Variants in KDM4C observed in about 807,000 individuals in gnomAD.
KDM4C encodes lysine demethylase 4C.
KDM4C carries 81 observed loss-of-function variants against 129.3 expected under a neutral mutation model. The observed-to-expected ratio is 0.63, with a 90% confidence interval of 0.52 to 0.75. The LOEUF (loss-of-function observed/expected upper bound fraction) is 0.75. Ranked by LOEUF, KDM4C falls within the 30% of genes least tolerant of loss-of-function variation. KDM4C has a pLI of 0.00. For missense variants in KDM4C, 1,457 were observed against 1,304.0 expected (o/e 1.12, Z -1.81); for synonymous variants, 573 against 456.1 (o/e 1.26, Z -3.26).
chr9:6,733,938 T>G (rs997882736), intron 1 of KDM4C, among the ~76,000 whole-genome samples: 1 of 152,196 alleles, frequency 6.6e-6, no homozygotes, highest in African/African-American at 2.4e-5. Flanking sequence ...GAGGTCACGC[T>G]CACATCTTGG....
At chr9:6,939,436 A>G (rs183984096) in intron 8 of KDM4C, among the ~76,000 whole-genome samples, 3 of 152,254 alleles carry the variant, frequency 2.0e-5, no homozygotes, top group African/African-American at 7.2e-5. Context: ...TTCATTATAT[A>G]TTACAGTGTA....
At chr9:7,041,025 GT>G (rs570741504) in intron 15 of KDM4C, among the ~76,000 whole-genome samples, 145 of 145,122 alleles carry the variant, frequency 1.0e-3, no homozygotes, top group African/African-American at 2.1e-3. Flanking sequence ...AAACTGAGTA[GT>G]TTTTTTTTTT....
At chr9:6,857,748 A>C (rs918330755) in intron 5 of KDM4C, among the ~76,000 whole-genome samples, 19 of 149,990 alleles carry the variant, frequency 1.3e-4, no homozygotes, top group African/African-American at 4.6e-4. Context: ...CAGAGTAGCC[A>C]GCTGTACTTT....
intron 18 of KDM4C, among the ~76,000 whole-genome samples, chr9:7,109,971 C>G (rs561688598): frequency 2.0e-5 from 3 of 152,152 alleles, no homozygotes; most frequent in Admixed American, 1.3e-4. Flanking sequence ...CTCATTCTCT[C>G]TCCTGCTGTC....
At chr9:6,814,858 C>T (rs1022124467) in intron 4 of KDM4C, 113 bp downstream of exon 4, 7 of 528,792 alleles carry the variant, frequency 1.3e-5, no homozygotes, top group Non-Finnish European at 1.3e-5. Context: ...ATCCATAATT[C>T]CTCAAAGGAC....
At chr9:7,105,117 A>T (rs1418194950) in intron 18 of KDM4C, among the ~76,000 whole-genome samples, 1 of 152,216 alleles carries the variant, frequency 6.6e-6, no homozygotes, top group Non-Finnish European at 1.5e-5. Context: ...ATCCAGTAGA[A>T]AATACATTTT....
chr9:7,027,288 A>G (rs1229613418), intron 15 of KDM4C, among the ~76,000 whole-genome samples: 1 of 152,216 alleles, frequency 6.6e-6, no homozygotes, highest in Non-Finnish European at 1.5e-5. Flanking sequence ...CTGTATCTGC[A>G]TTAGCAGACA....
chr9:6,984,821 C>T (rs1817404917), intron 10 of KDM4C, among the ~76,000 whole-genome samples: 1 of 151,934 alleles, frequency 6.6e-6, no homozygotes, highest in Non-Finnish European at 1.5e-5. Flanking sequence ...TTAAGAACAA[C>T]AATAATGAAA....
chr9:7,128,012 T>G (rs1309385240), intron 18 of KDM4C, 54 bp from the exon 19 acceptor site: 3 of 1,314,292 alleles, frequency 2.3e-6, no homozygotes, highest in Non-Finnish European at 3.0e-6. Flanking sequence ...TTTACGTCCT[T>G]TCTTTTCCTG....
At chr9:6,831,398 C>G (rs1222842139) in intron 4 of KDM4C, among the ~76,000 whole-genome samples, 3 of 151,656 alleles carry the variant, frequency 2.0e-5, no homozygotes, top group Admixed American at 6.6e-5. Flanking sequence ...GACAGAGCCT[C>G]ACTCTGTCGG....
chr9:7,030,564 A>G (rs913981464), intron 15 of KDM4C, among the ~76,000 whole-genome samples: 4 of 152,166 alleles, frequency 2.6e-5, no homozygotes, highest in Non-Finnish European at 5.9e-5. Context: ...TGTGCAGGCA[A>G]GAGATAATTG....
At chr9:6,831,429 G>A (rs1029974091) in intron 4 of KDM4C, among the ~76,000 whole-genome samples, 4 of 151,656 alleles carry the variant, frequency 2.6e-5, no homozygotes, top group East Asian at 1.9e-4. Context: ...TGCAACCTCC[G>A]TCTCCCTGGA....
chr9:7,019,690 A>AAAAATATAATATTTTTATATAT (rs1586953227), intron 15 of KDM4C, among the ~76,000 whole-genome samples: 1 of 122,154 alleles, frequency 8.2e-6, no homozygotes, highest in Non-Finnish European at 1.6e-5. Context: ...ACTATATTAT[A>AAAAATATAATATTTTTATATAT]AAAATATAAT....
intron 4 of KDM4C, among the ~76,000 whole-genome samples, chr9:6,843,334 C>T (rs1430824585): frequency 6.6e-6 from 1 of 152,214 alleles, no homozygotes; most frequent in East Asian, 1.9e-4. Flanking sequence ...TGAACCCTCT[C>T]CCCATCTTTG....
In KDM4C at chr9:7,108,182, C is replaced by G. The variant is rs565894806; in HGVS notation, c.2610+4312C>G. On this transcript the variant is annotated intron_variant, in intron 18 of 21. Coordinates refer to ENST00000381309, the MANE Select transcript of KDM4C (RefSeq NM_015061.6). ...TGGCCCTCTTCCATGTGTCTTCTAA[C>G]TCTCATCTCAGTAATACAACTGAGT... Among the ~76,000 whole-genome samples, 3 of 152,248 alleles carry G rather than the reference C, an allele frequency of 2.0e-5. No individual in the cohort carries two copies. The East Asian group carries it at 5.8e-4, about 29-fold the overall frequency.
intron 1 of KDM4C, among the ~76,000 whole-genome samples, chr9:6,770,776 T>A (rs907425807): frequency 6.7e-6 from 1 of 148,536 alleles, no homozygotes; most frequent in Admixed American, 6.7e-5. Flanking sequence ...CCTTTTTTTT[T>A]TTTTTTTTTT....
In KDM4C at chr9:6,973,333, C is replaced by G. The variant is rs1310664389; in HGVS notation, c.922-7592C>G. On this transcript the variant is annotated intron_variant, in intron 8 of 21. Coordinates refer to ENST00000381309, the MANE Select transcript of KDM4C (RefSeq NM_015061.6). ...GCTAGGATTACAGGCGTGAGCCCCA[C>G]TGCACCCAGCCCCTGACCATATTGT... 2.0e-5 allele frequency among the ~76,000 whole-genome samples: 3 copies of G among 152,142 alleles called. No homozygotes were observed. The East Asian group carries it at 5.8e-4, about 29-fold the overall frequency.
intron 12 of KDM4C, among the ~76,000 whole-genome samples, chr9:7,001,748 T>C (rs1820759020): frequency 1.3e-5 from 2 of 152,124 alleles, no homozygotes; most frequent in East Asian, 3.9e-4. Context: ...TTTTTTGGTA[T>C]GGGGAGCTTC....
chr9:6,991,777 T>C (rs75384289), intron 12 of KDM4C, among the ~76,000 whole-genome samples: 2,001 of 152,298 alleles, frequency 0.013, 24 homozygotes, highest in East Asian at 0.035. Context: ...GGCTGACTCC[T>C]GCAGTCCCAG....
Sources: allele counts gnomAD v4.1 joint callset (sites outside exome capture counted in the v4.1 genomes callset), GRCh38; gene constraint gnomAD v4.1.1; transcripts MANE v1.5; gene names NCBI Gene and HGNC (gene_info 2026-07-23, HGNC 2026-07-21).